DMRT1: variants seen among roughly 807,000 people sequenced by gnomAD.
The protein encoded by DMRT1 is doublesex and mab-3 related transcription factor 1, also known as doublesex- and mab-3-related transcription factor 1.
Under a neutral mutation model 32.3 loss-of-function variants are expected in DMRT1, and 7 were observed. The observed-to-expected ratio is 0.22, with a 90% confidence interval of 0.12 to 0.41. The LOEUF (loss-of-function observed/expected upper bound fraction) is 0.41. Among genes scored for constraint, DMRT1 ranks in the 10% least tolerant of loss-of-function variants. The pLI, the probability that DMRT1 is intolerant of heterozygous loss-of-function variation, is 1.00. For synonymous variants in DMRT1, 278 were observed against 206.1 expected, an observed-to-expected ratio of 1.35 and a Z score of -2.99; for missense variants, 625 against 500.5, an observed-to-expected ratio of 1.25 and a Z score of -2.37.
intron 1 of DMRT1, among the ~76,000 whole-genome samples, chr9:844,574 T>C (rs1316205242): frequency 6.6e-6 from 1 of 152,046 alleles, no homozygotes; most frequent in Admixed American, 6.6e-5. Flanking sequence ...TTTAAGTAAT[T>C]AATTATTTAA....
chr9:921,763 T>C (rs1404931839), intron 4 of DMRT1, among the ~76,000 whole-genome samples: 3 of 152,150 alleles, frequency 2.0e-5, no homozygotes, highest in African/African-American at 7.2e-5. Flanking sequence ...CACCTGTAGT[T>C]CTGACTACTT....
At chr9:945,606 A>G (rs556137775) in intron 4 of DMRT1, among the ~76,000 whole-genome samples, 1 of 152,342 alleles carries the variant, frequency 6.6e-6, no homozygotes, top group African/African-American at 2.4e-5. Context: ...AATAACTGGA[A>G]AACTGGTTTT....
At chr9:953,019 A>G (rs1340527106) in intron 4 of DMRT1, among the ~76,000 whole-genome samples, 1 of 152,232 alleles carries the variant, frequency 6.6e-6, no homozygotes, top group African/African-American at 2.4e-5. Context: ...TGAAAGATAC[A>G]CATCTTTGAA....
intron 1 of DMRT1, among the ~76,000 whole-genome samples, chr9:844,463 C>T (rs1205501107): frequency 2.1e-5 from 3 of 140,428 alleles, no homozygotes; most frequent in African/African-American, 9.8e-5. Flanking sequence ...CAGAGGTTTG[C>T]AGGGGTTTAA....
At position 867,246 on chromosome 9, in the gene DMRT1, A is replaced by G. The variant is rs1156558428; in HGVS notation, c.538+20103A>G. On this transcript the variant is annotated intron_variant, in intron 2 of 4. Coordinates refer to ENST00000382276, the MANE Select transcript of DMRT1 (RefSeq NM_021951.3). ...TTAAGCAAAGAAATGTAATTCTCAC[A>G]TTAGTTTGTGTTTCCAGGATGCAGG... 2.0e-5 allele frequency among the ~76,000 whole-genome samples: 3 copies of G among 152,330 alleles called. No homozygotes were observed. The East Asian group carries it at 5.8e-4, about 29-fold the overall frequency.
chr9:962,656 C>T (rs886479355), intron 4 of DMRT1, among the ~76,000 whole-genome samples: 1 of 152,048 alleles, frequency 6.6e-6, no homozygotes, highest in African/African-American at 2.4e-5. Flanking sequence ...AACGCCTGGC[C>T]GTGAGCTAAT....
At chr9:888,239 C>T (rs1028092699) in intron 2 of DMRT1, among the ~76,000 whole-genome samples, 3 of 152,040 alleles carry the variant, frequency 2.0e-5, no homozygotes, top group African/African-American at 7.2e-5. Flanking sequence ...ACAGTACATA[C>T]AGCTTGGGAT....
intron 2 of DMRT1, among the ~76,000 whole-genome samples, chr9:883,317 GC>G (rs1816804236): frequency 6.6e-6 from 1 of 151,868 alleles, no homozygotes. Context: ...GGAGAAATAG[GC>G]TCTACCACAT....
intron 2 of DMRT1, among the ~76,000 whole-genome samples, chr9:861,243 G>A (rs10977173): frequency 6.6e-6 from 1 of 151,448 alleles, no homozygotes; most frequent in Non-Finnish European, 1.5e-5. Flanking sequence ...TCCCTGGGTA[G>A]TTGAGATTAG....
chr9:910,855 A>C (rs1230750294), intron 3 of DMRT1, among the ~76,000 whole-genome samples: 3 of 152,114 alleles, frequency 2.0e-5, no homozygotes, highest in Admixed American at 1.3e-4. Flanking sequence ...CATTCACTGG[A>C]ATCCTGGGTT....
intron 4 of DMRT1, among the ~76,000 whole-genome samples, chr9:937,254 G>C (rs930258584): frequency 1.3e-5 from 2 of 152,138 alleles, no homozygotes; most frequent in African/African-American, 4.8e-5. Flanking sequence ...TCTGTTGATG[G>C]GCACTTGGGT....
chr9:885,100 C>G (rs574310905), intron 2 of DMRT1, among the ~76,000 whole-genome samples: 1 of 152,276 alleles, frequency 6.6e-6, no homozygotes, highest in African/African-American at 2.4e-5. Context: ...TCTTCAGTGC[C>G]CCACTGCTCA....
intron 4 of DMRT1, among the ~76,000 whole-genome samples, chr9:966,677 T>C (rs1819940214): frequency 6.6e-6 from 1 of 152,238 alleles, no homozygotes; most frequent in Non-Finnish European, 1.5e-5. Context: ...CTTTTATTTC[T>C]GTGTGGTTCC....
At chr9:859,536 G>GT (rs1404528105) in intron 2 of DMRT1, among the ~76,000 whole-genome samples, 1 of 152,244 alleles carries the variant, frequency 6.6e-6, no homozygotes, top group East Asian at 1.9e-4. Context: ...GTGCATTTCT[G>GT]TTTCAGCCTG....
At chr9:908,436 C>A (rs535394943) in intron 3 of DMRT1, among the ~76,000 whole-genome samples, 52 of 150,444 alleles carry the variant, frequency 3.5e-4, no homozygotes, top group African/African-American at 1.2e-3. Context: ...CCAGGCTGGG[C>A]GACAGAGAGA....
intron 2 of DMRT1, among the ~76,000 whole-genome samples, chr9:872,351 G>A (rs958229406): frequency 9.2e-5 from 14 of 152,214 alleles, no homozygotes; most frequent in African/African-American, 3.4e-4. Flanking sequence ...GTGAGCCAGT[G>A]CGCCCGGCCA....
At chr9:913,172 G>A (rs924125900) in intron 3 of DMRT1, among the ~76,000 whole-genome samples, 2 of 152,100 alleles carry the variant, frequency 1.3e-5, no homozygotes, top group Non-Finnish European at 2.9e-5. Flanking sequence ...GAGCATTTAG[G>A]CCCAAATCCT....
intron 4 of DMRT1, among the ~76,000 whole-genome samples, chr9:929,566 G>C (rs1170394417): frequency 6.6e-6 from 1 of 151,748 alleles, no homozygotes; most frequent in African/African-American, 2.4e-5. Flanking sequence ...GTGATACATA[G>C]GTCCAGAAAG....
intron 3 of DMRT1, 135 bp downstream of exon 3, chr9:894,330 ACACACATATGTGTGTGTGCCATTTTG>A (rs1176707510): frequency 2.1e-6 from 2 of 933,774 alleles, no homozygotes; most frequent in African/African-American, 1.6e-5. Context: ...ACACAGGTAC[ACACACATATGTGTGTGTGCCATTTTG>A]CACACATGTA....
Sources: gnomAD v4.1 joint callset for allele counts (sites outside exome capture counted in the v4.1 genomes callset) on GRCh38, gnomAD v4.1.1 for gene constraint, MANE v1.5 for transcripts, NCBI Gene and HGNC (gene_info 2026-07-23, HGNC 2026-07-21) for gene names.